KAZN: variants seen among roughly 807,000 people sequenced by gnomAD.
KAZN encodes kazrin, periplakin interacting protein, also known as kazrin.
Under a neutral mutation model 87.4 loss-of-function variants are expected in KAZN, and 40 were observed. The ratio of observed to expected loss-of-function variants is 0.46; its 90% CI spans 0.36 to 0.60. KAZN has a LOEUF of 0.60. Among genes scored for constraint, KAZN ranks in the 20% least tolerant of loss-of-function variants. The pLI, the probability that KAZN is intolerant of heterozygous loss-of-function variation, is 0.00. For missense variants in KAZN, 898 were observed against 1,073.9 expected (o/e 0.84, Z 2.29); for synonymous variants, 466 against 458.3 (o/e 1.02, Z -0.22).
chr1:14,851,420 C>T (rs1368307757), intron 1 of KAZN, among the ~76,000 whole-genome samples: 1 of 152,240 alleles, frequency 6.6e-6, no homozygotes, highest in African/African-American at 2.4e-5. Context: ...TGCGATAGCC[C>T]CTGGAGCAGA....
chr1:15,071,481 C>G (rs1639504959), intron 8 of KAZN, among the ~76,000 whole-genome samples: 1 of 152,138 alleles, frequency 6.6e-6, no homozygotes, highest in Non-Finnish European at 1.5e-5. Context: ...TTTTGAACGC[C>G]TGACCTCAGG....
At chr1:15,102,384 G>A (rs1214303159) in intron 11 of KAZN, among the ~76,000 whole-genome samples, 1 of 152,136 alleles carries the variant, frequency 6.6e-6, no homozygotes, top group Non-Finnish European at 1.5e-5. Context: ...AAGTAACCCA[G>A]CAGAGGCAAC....
intron 1 of KAZN, among the ~76,000 whole-genome samples, chr1:14,952,193 CTG>C (rs932455817): frequency 2.0e-5 from 3 of 151,360 alleles, no homozygotes; most frequent in African/African-American, 4.9e-5. Context: ...TTCCATTTGA[CTG>C]TGGTGGGTGT....
chr1:14,865,988 G>A (rs899540709), intron 1 of KAZN, among the ~76,000 whole-genome samples: 12 of 152,114 alleles, frequency 7.9e-5, no homozygotes, highest in African/African-American at 2.7e-4. Context: ...CCGACACCTC[G>A]ATCCCAGCCA....
intron 1 of KAZN, among the ~76,000 whole-genome samples, chr1:14,787,582 A>G (rs767258008): frequency 6.6e-6 from 1 of 152,192 alleles, no homozygotes; most frequent in African/African-American, 2.4e-5. Flanking sequence ...GAATATTGGT[A>G]TGAGCTCAAT....
At chr1:14,428,717 G>C (rs1014108182) in intron 2 of KAZN, among the ~76,000 whole-genome samples, 4 of 152,098 alleles carry the variant, frequency 2.6e-5, no homozygotes, top group Non-Finnish European at 5.9e-5. Flanking sequence ...TGAGAACCAA[G>C]CTAAGAGGGA....
At chr1:13,894,529 CT>C (rs1321368949) in intron 1 of KAZN, among the ~76,000 whole-genome samples, 1 of 152,142 alleles carries the variant, frequency 6.6e-6, no homozygotes, top group East Asian at 1.9e-4. Flanking sequence ...TGTTTCTCGA[CT>C]TTTTTGGCGT....
intron 2 of KAZN, among the ~76,000 whole-genome samples, chr1:14,367,894 G>C (rs113526372): frequency 9.6e-4 from 146 of 152,242 alleles, no homozygotes; most frequent in African/African-American, 3.4e-3. Context: ...TTTTCAGTTT[G>C]ATTGTATCTG....
intron 2 of KAZN, among the ~76,000 whole-genome samples, chr1:14,359,079 G>A (rs1238606511): frequency 6.6e-6 from 1 of 152,142 alleles, no homozygotes. Flanking sequence ...AGGTCTCTAA[G>A]AACTTGCTTT....
intron 1 of KAZN, among the ~76,000 whole-genome samples, chr1:13,898,828 C>G (rs928775980): frequency 6.6e-6 from 1 of 152,202 alleles, no homozygotes. Flanking sequence ...AGCTGAACCC[C>G]TTTCCCTGCC....
chr1:14,191,513 G>C (rs1646419101), intron 2 of KAZN, among the ~76,000 whole-genome samples: 1 of 152,098 alleles, frequency 6.6e-6, no homozygotes, highest in Non-Finnish European at 1.5e-5. Context: ...TCTAGGTGTA[G>C]TTGTCTAAGA....
chr1:14,424,616 G>A (rs953031330), intron 2 of KAZN, among the ~76,000 whole-genome samples: 3 of 152,052 alleles, frequency 2.0e-5, no homozygotes, highest in Non-Finnish European at 2.9e-5. Flanking sequence ...ACACACCATC[G>A]TCCTAAAAGC....
intron 1 of KAZN, among the ~76,000 whole-genome samples, chr1:14,693,922 A>G (rs1322252669): frequency 1.3e-5 from 2 of 152,218 alleles, no homozygotes; most frequent in African/African-American, 4.8e-5. Context: ...CACTGCGACC[A>G]TGATGGTCTG....
intron 2 of KAZN, among the ~76,000 whole-genome samples, chr1:14,237,434 T>G (rs1056935440): frequency 2.0e-5 from 3 of 152,164 alleles, no homozygotes; most frequent in Non-Finnish European, 2.9e-5. Flanking sequence ...TCACATGAAA[T>G]CATTTCATGC....
intron 2 of KAZN, among the ~76,000 whole-genome samples, chr1:14,182,166 A>T (rs944722686): frequency 6.6e-6 from 1 of 152,136 alleles, no homozygotes; most frequent in African/African-American, 2.4e-5. Flanking sequence ...TTTTCTTATC[A>T]TATTTTCTCC....
intron 2 of KAZN, among the ~76,000 whole-genome samples, chr1:14,521,357 G>A (rs1182182559): frequency 2.6e-5 from 4 of 152,150 alleles, no homozygotes; most frequent in Non-Finnish European, 4.4e-5. Flanking sequence ...CTTCAGAATT[G>A]GGTCTGCTGT....
At chr1:14,931,890 C>T (rs1036150809) in intron 1 of KAZN, among the ~76,000 whole-genome samples, 3 of 152,172 alleles carry the variant, frequency 2.0e-5, no homozygotes, top group African/African-American at 7.2e-5. Context: ...AGTTAAATCT[C>T]GCTTTTTTTC....
rs1414172520 is a variant in KAZN at position 14,112,343 on chromosome 1, T to C, written c.92-68092T>C. On this transcript the variant is annotated intron_variant, in intron 1 of 16. Coordinates refer to the KAZN transcript ENST00000636203. ...AACACTGCTAGCTCAGTCTGGATGC[T>C]GTGTGACCATATGGTAGTGAGGACA... Among the ~76,000 whole-genome samples, 2 of 95,610 alleles carry C rather than the reference T, an allele frequency of 2.1e-5. 1 individual carries two copies. Among genetic ancestry groups the C allele is most frequent in the African/African-American group, 8.7e-5 (2 of 22,872 alleles). 62.7% of individuals were successfully genotyped at this position (95,610 alleles called of 152,430 possible).
At chr1:14,146,453 T>C (rs1365061139) in intron 1 of KAZN, among the ~76,000 whole-genome samples, 1 of 150,074 alleles carries the variant, frequency 6.7e-6, no homozygotes, top group African/African-American at 2.5e-5. Flanking sequence ...GGAGAATTGT[T>C]TGAACCTGGG....
Sources: allele counts gnomAD v4.1 joint callset (sites outside exome capture counted in the v4.1 genomes callset), GRCh38; gene constraint gnomAD v4.1.1; transcripts MANE v1.5; gene names NCBI Gene and HGNC (gene_info 2026-07-23, HGNC 2026-07-21).